CCSER2: variants seen among roughly 807,000 people sequenced by gnomAD.
CCSER2 encodes coiled-coil serine rich protein 2.
CCSER2 carries 46 observed loss-of-function variants against 92.3 expected under a neutral mutation model. The ratio of observed to expected loss-of-function variants is 0.50; its 90% CI spans 0.39 to 0.64. The LOEUF is 0.64. Ranked by LOEUF, CCSER2 falls within the 30% of genes least tolerant of loss-of-function variation. The pLI is 0.00. For synonymous variants in CCSER2, 433 were observed against 431.4 expected, an observed-to-expected ratio of 1.00 and a Z score of -0.04; for missense variants, 1,244 against 1,238.9, an observed-to-expected ratio of 1.00 and a Z score of -0.06.
At chr10:84,434,448 C>T (rs1028727743) in intron 5 of CCSER2, among the ~76,000 whole-genome samples, 1 of 151,838 alleles carries the variant, frequency 6.6e-6, no homozygotes, top group African/African-American at 2.4e-5. Context: ...GATTTTTTTC[C>T]CCAGAAAACT....
intron 1 of CCSER2, among the ~76,000 whole-genome samples, chr10:84,331,844 A>G (rs1843577699): frequency 6.6e-6 from 1 of 152,168 alleles, no homozygotes; most frequent in Admixed American, 6.5e-5. Context: ...TTGCTTTCAT[A>G]TTTGATGTTT....
chr10:84,353,074 G>C (rs1301242649), intron 1 of CCSER2, among the ~76,000 whole-genome samples: 2 of 152,326 alleles, frequency 1.3e-5, no homozygotes, highest in Non-Finnish European at 2.9e-5. Context: ...TTACGGGCGT[G>C]AGCCACCGCG....
chr10:84,357,453 T>G (rs1302595334), intron 1 of CCSER2, among the ~76,000 whole-genome samples: 2 of 12,196 alleles, frequency 1.6e-4, no homozygotes, highest in Admixed American at 6.5e-4. Context: ...ATTTTTGTGT[T>G]TTTTTTTTTT....
intron 9 of CCSER2, among the ~76,000 whole-genome samples, chr10:84,497,349 G>T (rs571608913): frequency 6.6e-6 from 1 of 152,378 alleles, no homozygotes; most frequent in South Asian, 2.1e-4. Flanking sequence ...CTGGGCATAA[G>T]CTCTGATGGC....
intron 3 of CCSER2, among the ~76,000 whole-genome samples, chr10:84,415,248 G>A (rs150828237): frequency 8.1e-4 from 123 of 152,250 alleles, no homozygotes; most frequent in African/African-American, 2.8e-3. Context: ...AGTTTTCAGC[G>A]TTTTTGCATT....
chr10:84,477,738 C>T (rs1041692642), intron 9 of CCSER2, 74 bp downstream of exon 9: 20 of 791,222 alleles, frequency 2.5e-5, no homozygotes, highest in Admixed American at 1.8e-4. Flanking sequence ...CTTTTTACAG[C>T]AATCTCTAAT....
chr10:84,338,892 G>T (rs1844001960), intron 1 of CCSER2, among the ~76,000 whole-genome samples: 2 of 152,062 alleles, frequency 1.3e-5, no homozygotes, highest in Non-Finnish European at 1.5e-5. Flanking sequence ...GTTCATTTAT[G>T]TTTAAGTAAA....
intron 5 of CCSER2, 122 bp from the exon 6 acceptor site, chr10:84,438,390 C>T: frequency 1.7e-6 from 1 of 600,214 alleles, no homozygotes; most frequent in Non-Finnish European, 2.9e-6. Context: ...GAGTGGAAGT[C>T]AGAGCCATGG....
intron 9 of CCSER2, among the ~76,000 whole-genome samples, chr10:84,494,857 G>T (rs140960320): frequency 1.4e-4 from 22 of 152,316 alleles, no homozygotes; most frequent in African/African-American, 5.3e-4. Flanking sequence ...GACCCCAAGA[G>T]AGGGTTCTTG....
At position 84,371,345 on chromosome 10, in the gene CCSER2, G is replaced by A. The variant is rs138716486; in HGVS notation, c.293G>A (p.Arg98His). The change falls in exon 2 of 10, where the codon CGT becomes CAT. Residue 98 changes from arginine (R) to histidine (H), a missense_variant. By Grantham distance (29) the Arg-to-His change is conservative (BLOSUM62 0). Coordinates refer to ENST00000372088, the MANE Select transcript of CCSER2 (RefSeq NM_001284240.2). ...SHDKIIDPEK[R>H]VPTQGMFDKN... ...GATAAAATAATTGATCCTGAAAAAC[G>A]TGTTCCTACTCAAGGAATGTTTGAT... 2.5e-5 allele frequency: 41 copies of A among 1,613,544 alleles called. No individual in the cohort carries two copies. In the African/African-American group the frequency reaches 2.9e-4, roughly 12 times the overall value.
intron 9 of CCSER2, among the ~76,000 whole-genome samples, chr10:84,510,854 G>C (rs1253248196): frequency 6.6e-6 from 1 of 152,098 alleles, no homozygotes; most frequent in African/African-American, 2.4e-5. Context: ...CACATACCAG[G>C]AGCAAGTTGT....
At chr10:84,362,988 C>T (rs1845583530) in intron 1 of CCSER2, among the ~76,000 whole-genome samples, 1 of 150,790 alleles carries the variant, frequency 6.6e-6, no homozygotes, top group African/African-American at 2.4e-5. Context: ...AGGTGCCTGC[C>T]ACCACGCCCA....
chr10:84,411,501 C>T (rs1436512073), intron 3 of CCSER2, among the ~76,000 whole-genome samples: 1 of 152,052 alleles, frequency 6.6e-6, no homozygotes, highest in Non-Finnish European at 1.5e-5. Flanking sequence ...TTGTAGTTAT[C>T]CTTGAAGAGG....
chr10:84,341,817 G>T (rs901556243), intron 1 of CCSER2, among the ~76,000 whole-genome samples: 2 of 152,098 alleles, frequency 1.3e-5, no homozygotes, highest in African/African-American at 2.4e-5. Context: ...ACTTATGTTT[G>T]CCCATTTATT....
chr10:84,336,238 C>CTCAT (rs1049542070), intron 1 of CCSER2, among the ~76,000 whole-genome samples: 36 of 152,240 alleles, frequency 2.4e-4, no homozygotes, highest in African/African-American at 8.7e-4. Context: ...CTGGATTTTT[C>CTCAT]TCATTCATTC....
rs552709655 is a variant in CCSER2 at position 84,501,362 on chromosome 10, A to G, written c.2326-12087A>G. On this transcript the variant is annotated intron_variant, in intron 9 of 9. Coordinates refer to ENST00000372088, the MANE Select transcript of CCSER2 (RefSeq NM_001284240.2). ...TTGAGATTTCCCCTCAGATTAGCACACCCACCTGTGTACTTACTCAAGCCC... is the reference window on the plus strand; with the variant it reads ...TTGAGATTTCCCCTCAGATTAGCACGCCCACCTGTGTACTTACTCAAGCCC... 2.6e-5 allele frequency among the ~76,000 whole-genome samples: 4 copies of G among 152,230 alleles called. No individual in the cohort carries two copies. The East Asian group carries it at 7.7e-4, about 29-fold the overall frequency.
chr10:84,402,319 T>TG (rs1207317097), intron 3 of CCSER2, among the ~76,000 whole-genome samples: 2 of 152,140 alleles, frequency 1.3e-5, no homozygotes, highest in Non-Finnish European at 2.9e-5. Context: ...CAGAGAAACT[T>TG]GAAGAGTTTT....
chr10:84,442,266 A>T (rs1844617088), intron 6 of CCSER2, among the ~76,000 whole-genome samples: 1 of 151,874 alleles, frequency 6.6e-6, no homozygotes, highest in Non-Finnish European at 1.5e-5. Flanking sequence ...GTGCTACATT[A>T]AAAAAAATGT....
At chr10:84,440,450 A>G (rs1316471336) in intron 6 of CCSER2, among the ~76,000 whole-genome samples, 2 of 152,160 alleles carry the variant, frequency 1.3e-5, no homozygotes, top group African/African-American at 2.4e-5. Flanking sequence ...AAACAATGTG[A>G]TACGTATATA....
Sources: gnomAD v4.1 joint callset for allele counts (sites outside exome capture counted in the v4.1 genomes callset) on GRCh38, gnomAD v4.1.1 for gene constraint, MANE v1.5 for transcripts, NCBI Gene and HGNC (gene_info 2026-07-23, HGNC 2026-07-21) for gene names.